WDFY2: variants seen among roughly 807,000 people sequenced by gnomAD.
WDFY2 encodes the protein WD repeat and FYVE domain containing 2, also known as WD repeat and FYVE domain-containing protein 2.
WDFY2 carries 36 observed loss-of-function variants against 56.4 expected under a neutral mutation model. The observed-to-expected ratio is 0.64, with a 90% CI of 0.49 to 0.84. The LOEUF (loss-of-function observed/expected upper bound fraction) is 0.84. WDFY2 is among the 40% of genes least tolerant of loss of function. The pLI is 0.00. For synonymous variants in WDFY2, 176 were observed against 183.7 expected, an observed-to-expected ratio of 0.96 and a Z score of 0.34; for missense variants, 444 against 512.2, an observed-to-expected ratio of 0.87 and a Z score of 1.29.
chr13:51,714,382 C>G (rs761524356), intron 4 of WDFY2, among the ~76,000 whole-genome samples: 1 of 152,114 alleles, frequency 6.6e-6, no homozygotes, highest in Non-Finnish European at 1.5e-5. Flanking sequence ...ACCTCTGCCT[C>G]TTGGGTTCAA....
At chr13:51,725,997 A>G (rs1413405853) in intron 5 of WDFY2, among the ~76,000 whole-genome samples, 1 of 152,190 alleles carries the variant, frequency 6.6e-6, no homozygotes, top group Non-Finnish European at 1.5e-5. Context: ...ACCTTTTAAT[A>G]TGTAAAGATT....
chr13:51,735,862 A>G (rs542013210), intron 6 of WDFY2, among the ~76,000 whole-genome samples: 7 of 152,140 alleles, frequency 4.6e-5, no homozygotes, highest in Non-Finnish European at 8.8e-5. Flanking sequence ...TTTTCCTTCT[A>G]TCTCTTCCAC....
intron 1 of WDFY2, among the ~76,000 whole-genome samples, chr13:51,617,831 A>C (rs1397533429): frequency 6.6e-6 from 1 of 152,214 alleles, no homozygotes; most frequent in African/African-American, 2.4e-5. Flanking sequence ...AATTTTCCAC[A>C]CTTGTTTGAT....
chr13:51,605,581 C>T lies in WDFY2; in HGVS notation c.137+20757C>T, dbSNP rs115344212. Among the ~76,000 whole-genome samples, 756 of 152,220 alleles carry T rather than the reference C, an allele frequency of 5.0e-3. 5 individuals carry two copies. Among genetic ancestry groups the T allele is most frequent in the African/African-American group, 0.014 (594 of 41,524 alleles). Reference sequence around the variant, plus strand: ...ACCAAATATATATTATGAAAATACCCTGTCAGAAATTTAGAATGTGAAAGA... The same window carrying T: ...ACCAAATATATATTATGAAAATACCTTGTCAGAAATTTAGAATGTGAAAGA... On this transcript the variant is annotated intron_variant, in intron 1 of 11. Coordinates refer to ENST00000298125, the MANE Select transcript of WDFY2 (RefSeq NM_052950.4).
At chr13:51,634,909 C>T (rs191037993) in intron 1 of WDFY2, among the ~76,000 whole-genome samples, 1 of 151,886 alleles carries the variant, frequency 6.6e-6, no homozygotes. Flanking sequence ...ATAAGGAAGC[C>T]CTAAACATTT....
chr13:51,646,097 G>C (rs980552701), intron 1 of WDFY2, among the ~76,000 whole-genome samples: 1 of 151,936 alleles, frequency 6.6e-6, no homozygotes, highest in African/African-American at 2.4e-5. Context: ...TTTTTTACTT[G>C]GTTTGCTGCC....
At chr13:51,700,380 A>G (rs1033805284) in intron 3 of WDFY2, among the ~76,000 whole-genome samples, 6 of 152,230 alleles carry the variant, frequency 3.9e-5, no homozygotes, top group East Asian at 1.9e-4. Context: ...TCAAATGTGT[A>G]TATCTTTGAT....
At chr13:51,605,815 G>A (rs2138323226) in intron 1 of WDFY2, among the ~76,000 whole-genome samples, 1 of 152,356 alleles carries the variant, frequency 6.6e-6, no homozygotes, top group South Asian at 2.1e-4. Context: ...CATTGTAAAT[G>A]TTCTCCTTGG....
rs369690401 is a variant in WDFY2, at chr13:51,663,476, A to G, written c.205+2813A>G. On this transcript the variant is annotated intron_variant, in intron 2 of 11. Transcript: ENST00000298125. ...ATCTTTTGAATCCATTCAAAAGATT[A>G]CTACTGTGTAGAGGTGAAAAAGAAA... Among the ~76,000 whole-genome samples, 6 of 152,346 alleles carry G rather than the reference A, an allele frequency of 3.9e-5. No homozygotes were observed. The East Asian group carries it at 9.6e-4, about 24-fold the overall frequency.
At chr13:51,759,597 TA>T (rs1953515748) in intron 11 of WDFY2, 142 bp from the exon 12 acceptor site, 4 of 634,944 alleles carry the variant, frequency 6.3e-6, no homozygotes, top group Non-Finnish European at 7.8e-6. Context: ...ATGAAAAAAA[TA>T]TTTTACAGAT....
In WDFY2 at chr13:51,607,582, TATC is replaced by T. The variant is rs1255916040; in HGVS notation, c.137+22763_137+22765del. Among the ~76,000 whole-genome samples the T allele has an allele frequency of 3.9e-5, 6 of 152,300 alleles. No individual in the cohort carries two copies. In the East Asian group the frequency reaches 9.6e-4, roughly 24 times the overall value. On this transcript the variant is annotated intron_variant, in intron 1 of 11. Coordinates refer to ENST00000298125, the MANE Select transcript of WDFY2 (RefSeq NM_052950.4). ...GAGTCATACATAAAATAATGTATCT[TATC>T]ATCAATGGCATCTTAGAGTTGATAA...
chr13:51,691,138 T>C (rs894177283), intron 3 of WDFY2, among the ~76,000 whole-genome samples: 15 of 152,074 alleles, frequency 9.9e-5, no homozygotes, highest in East Asian at 7.7e-4. Context: ...TTCTCCCATT[T>C]TGTAGGTTGC....
chr13:51,699,639 T>G (rs1951943452), intron 3 of WDFY2, among the ~76,000 whole-genome samples: 1 of 152,182 alleles, frequency 6.6e-6, no homozygotes, highest in Middle Eastern at 3.2e-3. Flanking sequence ...ACCCTCTTGT[T>G]TCACACATCA....
chr13:51,686,386 A>G (rs974522909), intron 3 of WDFY2, among the ~76,000 whole-genome samples: 2 of 152,152 alleles, frequency 1.3e-5, no homozygotes, highest in African/African-American at 2.4e-5. Flanking sequence ...AATTATATTC[A>G]TTTCAGCAGT....
intron 2 of WDFY2, among the ~76,000 whole-genome samples, chr13:51,666,998 A>G (rs1002823209): frequency 3.3e-5 from 5 of 152,120 alleles, no homozygotes; most frequent in Non-Finnish European, 5.9e-5. Flanking sequence ...TTTGATTTTC[A>G]TTTTTGCTAC....
chr13:51,663,248 A>G (rs936318003), intron 2 of WDFY2, among the ~76,000 whole-genome samples: 5 of 152,234 alleles, frequency 3.3e-5, no homozygotes, highest in African/African-American at 1.2e-4. Flanking sequence ...TTGATGATCT[A>G]TGTACATGTT....
chr13:51,736,914 A>G (rs960871448), intron 6 of WDFY2, among the ~76,000 whole-genome samples: 1 of 152,168 alleles, frequency 6.6e-6, no homozygotes, highest in East Asian at 1.9e-4. Flanking sequence ...AGAATGAACA[A>G]CCCTTCCAAT....
intron 4 of WDFY2, among the ~76,000 whole-genome samples, chr13:51,704,009 G>A (rs1952036738): frequency 1.3e-5 from 2 of 152,216 alleles, no homozygotes; most frequent in African/African-American, 4.8e-5. Context: ...TGTTTTAAAA[G>A]TGCTCAGAGT....
chr13:51,679,856 C>A (rs1955948656), intron 3 of WDFY2, among the ~76,000 whole-genome samples: 1 of 152,094 alleles, frequency 6.6e-6, no homozygotes, highest in African/African-American at 2.4e-5. Flanking sequence ...GAATGTGTCT[C>A]TCCAGTTCTT....
Sources: gnomAD v4.1 joint callset for allele counts (sites outside exome capture counted in the v4.1 genomes callset) on GRCh38, gnomAD v4.1.1 for gene constraint, MANE v1.5 for transcripts, NCBI Gene and HGNC (gene_info 2026-07-23, HGNC 2026-07-21) for gene names.